Variants in DNAH6 observed in about 807,000 individuals in gnomAD.
The protein encoded by DNAH6 is dynein axonemal heavy chain 6, also known as axonemal beta dynein heavy chain 6.
Under a neutral mutation model 491.4 loss-of-function variants are expected in DNAH6, and 340 were observed. The ratio of observed to expected loss-of-function variants is 0.69; its 90% CI spans 0.63 to 0.76. The LOEUF (loss-of-function observed/expected upper bound fraction) is 0.76. Ranked by LOEUF, DNAH6 falls within the 30% of genes least tolerant of loss-of-function variation. The pLI is 0.00. For synonymous variants in DNAH6, 1,603 were observed against 1,686.1 expected (o/e 0.95, Z 1.21); for missense variants, 4,443 against 4,972.2 (o/e 0.89, Z 3.20).
chr2:84,588,619 C>G (rs1683792231), intron 15 of DNAH6, among the ~76,000 whole-genome samples: 1 of 152,130 alleles, frequency 6.6e-6, no homozygotes, highest in Non-Finnish European at 1.5e-5. Flanking sequence ...AATTTTATCT[C>G]CATGGCACTT....
intron 33 of DNAH6, among the ~76,000 whole-genome samples, chr2:84,644,255 G>A (rs901619975): frequency 1.7e-4 from 26 of 152,070 alleles, no homozygotes; most frequent in African/African-American, 1.4e-4. Flanking sequence ...CCCCTCCCCC[G>A]GATCTGTTAA....
At chr2:84,476,470 G>A in the DNAH6 span, among the ~76,000 whole-genome samples, 9 of 152,104 alleles carry the variant, frequency 5.9e-5, 1 homozygote, top group Non-Finnish European at 8.8e-5. Flanking sequence ...TGGAACCGAC[G>A]GGCTAGTAAA....
intron 61 of DNAH6, 78 bp from the exon 62 acceptor site, chr2:84,733,366 A>G (rs1198773187): frequency 7.6e-7 from 1 of 1,317,980 alleles, no homozygotes; most frequent in African/African-American, 1.5e-5. Context: ...TTAGAGCTTG[A>G]TTTTTCACTT....
intron 18 of DNAH6, among the ~76,000 whole-genome samples, chr2:84,598,179 CTCTCTTTCT>C (rs1684859229): frequency 2.3e-4 from 16 of 70,692 alleles, no homozygotes; most frequent in African/African-American, 2.7e-4. Context: ...TTCTTTCTTT[CTCTCTTTCT>C]TTTCTTTCTT....
chr2:84,712,534 A>G (rs936029606), intron 56 of DNAH6, among the ~76,000 whole-genome samples: 9 of 152,384 alleles, frequency 5.9e-5, no homozygotes, highest in Admixed American at 2.6e-4. Flanking sequence ...GTAGAGAGCC[A>G]GGGAGTAAAT....
At chr2:84,800,956 T>TG (rs1678834682) in intron 70 of DNAH6, among the ~76,000 whole-genome samples, 1 of 151,286 alleles carries the variant, frequency 6.6e-6, no homozygotes, top group East Asian at 1.9e-4. Flanking sequence ...GGGACATGGA[T>TG]GAAATTGGAA....
chr2:84,703,978 G>A, intron 50 of DNAH6, 89 bp from the exon 51 acceptor site: 2 of 983,542 alleles, frequency 2.0e-6, no homozygotes, highest in Middle Eastern at 2.1e-4. Flanking sequence ...TAATCCAAAG[G>A]GCAAATATGA....
At chr2:84,472,272 G>A in the DNAH6 span, among the ~76,000 whole-genome samples, 1 of 151,724 alleles carries the variant, frequency 6.6e-6, no homozygotes, top group Non-Finnish European at 1.5e-5. Flanking sequence ...GTCCTTGTGG[G>A]TTATATGGAT....
At chr2:84,696,202 T>G (rs569612243) in intron 46 of DNAH6, among the ~76,000 whole-genome samples, 34 of 151,952 alleles carry the variant, frequency 2.2e-4, no homozygotes, top group African/African-American at 7.7e-4. Flanking sequence ...AGCAAATATT[T>G]TCTAATACTA....
chr2:84,677,817 A>T (rs1321527645), intron 41 of DNAH6, among the ~76,000 whole-genome samples: 1 of 152,170 alleles, frequency 6.6e-6, no homozygotes, highest in Non-Finnish European at 1.5e-5. Context: ...TTGTGAGCTG[A>T]GTCTTGGGGA....
chr2:84,604,247 C>A, intron 18 of DNAH6, 92 bp from the exon 19 acceptor site: 1 of 970,656 alleles, frequency 1.0e-6, no homozygotes. Flanking sequence ...TGCTCTTTTC[C>A]AGCTCTCTAC....
intron 64 of DNAH6, among the ~76,000 whole-genome samples, chr2:84,774,451 G>T (rs1341432720): frequency 1.3e-5 from 2 of 152,178 alleles, no homozygotes; most frequent in Middle Eastern, 3.4e-3. Context: ...GTACCATGCT[G>T]CTTTGGTTAC....
At chr2:84,544,700 CA>C (rs1558689410) in intron 5 of DNAH6, among the ~76,000 whole-genome samples, 200 bp downstream of exon 5, 1 of 152,152 alleles carries the variant, frequency 6.6e-6, no homozygotes, top group East Asian at 1.9e-4. Flanking sequence ...TTGCAAAATG[CA>C]AAAGTATAAG....
chr2:84,557,295 A>G (rs1006775702), intron 10 of DNAH6, among the ~76,000 whole-genome samples: 3 of 152,344 alleles, frequency 2.0e-5, no homozygotes, highest in Non-Finnish European at 4.4e-5. Flanking sequence ...GAATCAGCAC[A>G]ATACCTAGCC....
intron 4 of DNAH6, among the ~76,000 whole-genome samples, chr2:84,538,444 C>A (rs1348068015): frequency 6.6e-6 from 1 of 152,156 alleles, no homozygotes; most frequent in Non-Finnish European, 1.5e-5. Flanking sequence ...AAGTTTAAAG[C>A]TATTAAAATC....
the DNAH6 span, among the ~76,000 whole-genome samples, chr2:84,508,172 A>G: frequency 2.0e-5 from 3 of 152,342 alleles, no homozygotes; most frequent in Non-Finnish European, 4.4e-5. Context: ...CTCTAGTAGA[A>G]TTCGGCTGTG....
the DNAH6 span, among the ~76,000 whole-genome samples, chr2:84,483,937 A>G: frequency 1.3e-5 from 2 of 152,150 alleles, no homozygotes; most frequent in African/African-American, 4.8e-5. Flanking sequence ...TCACCCTACT[A>G]TCCTGGTTTC....
intron 37 of DNAH6, among the ~76,000 whole-genome samples, chr2:84,661,440 A>T (rs1691502159): frequency 6.6e-6 from 1 of 152,170 alleles, no homozygotes; most frequent in Non-Finnish European, 1.5e-5. Context: ...AGAAATACCT[A>T]AAAAATCTAC....
chr2:84,747,218 C>CT (rs1673050378), intron 63 of DNAH6, among the ~76,000 whole-genome samples: 1 of 152,176 alleles, frequency 6.6e-6, no homozygotes, highest in African/African-American at 2.4e-5. Context: ...AGTGCTAACT[C>CT]AAAGTTTCAA....
Sources: allele counts gnomAD v4.1 joint callset (sites outside exome capture counted in the v4.1 genomes callset), GRCh38; gene constraint gnomAD v4.1.1; transcripts MANE v1.5; gene names NCBI Gene and HGNC (gene_info 2026-07-23, HGNC 2026-07-21).